AGAP1: variants seen among roughly 807,000 people sequenced by gnomAD.
AGAP1 encodes the protein arf-GAP with GTPase, ANK repeat and PH domain-containing protein 1.
AGAP1 carries 29 observed loss-of-function variants against 105.3 expected under a neutral mutation model. The ratio of observed to expected loss-of-function variants is 0.28; its 90% CI spans 0.21 to 0.38. The LOEUF (loss-of-function observed/expected upper bound fraction) is 0.38. Among genes scored for constraint, AGAP1 ranks in the 10% least tolerant of loss-of-function variants. The pLI, the probability that AGAP1 is intolerant of heterozygous loss-of-function variation, is 1.00. For missense variants in AGAP1, 998 were observed against 1,165.1 expected (o/e 0.86, Z 2.09); for synonymous variants, 509 against 485.9 (o/e 1.05, Z -0.63).
chr2:236,027,962 G>C lies in AGAP1; in HGVS notation c.1646-8599G>C. ...CTGTTGGTCCCGGGGATTGCGATTC[G>C]TGTCTTTATTTCTTCATTATTTGTA... On this transcript the variant is annotated intron_variant, in intron 13 of 17. Transcript: ENST00000304032. The surrounding 1 kb of genome is among the most constrained non-coding windows in gnomAD (Gnocchi z 4.4). Among the ~76,000 whole-genome samples, 1 of 152,100 alleles carries C rather than the reference G, an allele frequency of 6.6e-6. No homozygotes were observed. The highest frequency in any genetic ancestry group is 1.5e-5 in the Non-Finnish European group (1 of 68,040).
rs2059877650 is a variant in AGAP1 at position 236,120,646 on chromosome 2, G to T, written c.2370+199G>T. Among the ~76,000 whole-genome samples, 1 of 152,228 alleles carries T rather than the reference G, an allele frequency of 6.6e-6. No individual in the cohort carries two copies. The highest frequency in any genetic ancestry group is 6.5e-5 in the Admixed American group (1 of 15,280). On this transcript the variant is annotated intron_variant, in intron 17 of 17. Transcript: ENST00000304032. This position sits in a 1 kb window ranked among gnomAD's most constrained non-coding sequence, Gnocchi z 6.0. ...GGTCCTCCTTGTACAGTACTTGCTA[G>T]AGTTTCTGAAAATTGCAACTTTGTG...
chr2:235,957,258 A>T lies in AGAP1; in HGVS notation c.1484-11204A>T, dbSNP rs1436313222. ...GATCAAATTTCCTAAATTCCTACTG[A>T]CTAGGCTTAATTTAGAGAGATCTCT... On this transcript the variant is annotated intron_variant, in intron 12 of 17. Coordinates refer to ENST00000304032, the MANE Select transcript of AGAP1 (RefSeq NM_001037131.3). This position sits in a 1 kb window ranked among gnomAD's most constrained non-coding sequence, Gnocchi z 4.6. 6.6e-6 allele frequency among the ~76,000 whole-genome samples: 1 copy of T among 152,172 alleles called. No individual in the cohort carries two copies. The highest frequency in any genetic ancestry group is 1.5e-5 in the Non-Finnish European group (1 of 68,022).
chr2:235,682,780 G>A (rs1463603204), intron 1 of AGAP1, among the ~76,000 whole-genome samples: 3 of 139,656 alleles, frequency 2.1e-5, no homozygotes, highest in Non-Finnish European at 4.6e-5. Flanking sequence ...TGAACTCGAT[G>A]TGTGGGTGTG....
At chr2:235,503,485 A>C (rs1941655641) in intron 1 of AGAP1, among the ~76,000 whole-genome samples, 1 of 152,196 alleles carries the variant, frequency 6.6e-6, no homozygotes, top group Non-Finnish European at 1.5e-5. Context: ...TTTTAGCTTC[A>C]ACAATCAAGC....
At chr2:236,102,457 T>G (rs1035960991) in intron 16 of AGAP1, among the ~76,000 whole-genome samples, 3 of 142,614 alleles carry the variant, frequency 2.1e-5, no homozygotes, top group South Asian at 2.2e-4. Flanking sequence ...GTGTGGTGGC[T>G]CATGCCTGTA....
chr2:235,561,851 A>G (rs1257305344), intron 1 of AGAP1, among the ~76,000 whole-genome samples: 1 of 152,190 alleles, frequency 6.6e-6, no homozygotes, highest in East Asian at 1.9e-4. Flanking sequence ...CTTCCAGTCA[A>G]GTTGAAACAT....
intron 1 of AGAP1, among the ~76,000 whole-genome samples, chr2:235,606,711 G>A (rs1376654912): frequency 6.6e-6 from 1 of 152,124 alleles, no homozygotes; most frequent in Non-Finnish European, 1.5e-5. Flanking sequence ...ACTTTGGGAG[G>A]CTGAGACGGG....
chr2:235,518,321 T>G (rs1057260625), intron 1 of AGAP1, among the ~76,000 whole-genome samples: 7 of 152,164 alleles, frequency 4.6e-5, no homozygotes, highest in African/African-American at 1.4e-4. Context: ...CTTCTCTTTC[T>G]CCTCCACTGA....
intron 9 of AGAP1, among the ~76,000 whole-genome samples, chr2:235,838,873 T>C (rs1960477210): frequency 6.6e-6 from 1 of 152,126 alleles, no homozygotes; most frequent in Non-Finnish European, 1.5e-5. Flanking sequence ...GAAGCATAAA[T>C]TAGAAGTGAA....
chr2:235,674,095 T>G (rs11883552), intron 1 of AGAP1, among the ~76,000 whole-genome samples: 4,866 of 152,304 alleles, frequency 0.032, 252 homozygotes, highest in African/African-American at 0.11. Context: ...TTTTGTAGGA[T>G]GATTCTCTTG....
rs1315001789 is a variant in AGAP1 at position 235,927,824 on chromosome 2, C to CA, written c.1325-2940dup. On this transcript the variant is annotated intron_variant, in intron 11 of 17. Transcript: ENST00000304032. The surrounding 1 kb of genome is among the most constrained non-coding windows in gnomAD (Gnocchi z 4.4). The stretch of plus-strand genomic sequence containing the variant: ...GGTGCTCTATTGAGTGCCATGTTGT[C>CA]ATCGTTGTCCCAAAGATGGAGGGAC... 6.6e-6 allele frequency among the ~76,000 whole-genome samples: 1 copy of CA among 152,200 alleles called. No homozygotes were observed. The highest frequency in any genetic ancestry group is 1.5e-5 in the Non-Finnish European group (1 of 68,044).
rs2049658356 is a variant in AGAP1, at chr2:235,875,212, C to G, written c.1051-8133C>G. On this transcript the variant is annotated intron_variant, in intron 9 of 17. Coordinates refer to ENST00000304032, the MANE Select transcript of AGAP1 (RefSeq NM_001037131.3). This position sits in a 1 kb window ranked among gnomAD's most constrained non-coding sequence, Gnocchi z 4.0. ...TGGCCCTGTCCTGTTTCTGTATCTGCCAACCAGAGAGCAACTCCCGTTGTT... is the reference window on the plus strand; with the variant it reads ...TGGCCCTGTCCTGTTTCTGTATCTGGCAACCAGAGAGCAACTCCCGTTGTT... Among the ~76,000 whole-genome samples, 1 of 152,180 alleles carries G rather than the reference C, an allele frequency of 6.6e-6. No homozygotes were observed. The highest frequency in any genetic ancestry group is 2.4e-5 in the African/African-American group (1 of 41,450).
rs1576262927 is a variant in AGAP1 at position 236,083,324 on chromosome 2, G to A, written c.2114+34043G>A. Among the ~76,000 whole-genome samples, 1 of 152,144 alleles carries A rather than the reference G, an allele frequency of 6.6e-6. No homozygotes were observed. The highest frequency in any genetic ancestry group is 2.4e-5 in the African/African-American group (1 of 41,418). Reference sequence around the variant, plus strand: ...TGAGCTCGGTTTGTTGCAAGGAAGCGTCGTCCTCCTCACGGGCTCTTTACG... The same window carrying A: ...TGAGCTCGGTTTGTTGCAAGGAAGCATCGTCCTCCTCACGGGCTCTTTACG... On this transcript the variant is annotated intron_variant, in intron 16 of 17. Transcript: ENST00000304032. The surrounding 1 kb of genome is among the most constrained non-coding windows in gnomAD (Gnocchi z 5.3).
chr2:236,069,099 C>A (rs1443143936), intron 16 of AGAP1, among the ~76,000 whole-genome samples: 11 of 151,020 alleles, frequency 7.3e-5, no homozygotes, highest in Admixed American at 6.6e-4. Context: ...TGCGCTCCAG[C>A]CTGGGCAACA....
rs1274630896 is a variant in AGAP1, at chr2:235,855,534, A to G, written c.1051-27811A>G. On this transcript the variant is annotated intron_variant, in intron 9 of 17. Coordinates refer to ENST00000304032, the MANE Select transcript of AGAP1 (RefSeq NM_001037131.3). This position sits in a 1 kb window ranked among gnomAD's most constrained non-coding sequence, Gnocchi z 5.0. Reference sequence around the variant, plus strand: ...AAGTCATAAAAGTTGAGTTATAGTAAATTTAAAATCGAGCAATTTCTGCTT... The same window carrying G: ...AAGTCATAAAAGTTGAGTTATAGTAGATTTAAAATCGAGCAATTTCTGCTT... Among the ~76,000 whole-genome samples, 1 of 152,228 alleles carries G rather than the reference A, an allele frequency of 6.6e-6. No individual in the cohort carries two copies. Among genetic ancestry groups the G allele is most frequent in the East Asian group, 1.9e-4 (1 of 5,202 alleles).
At chr2:236,074,217 A>C (rs1282569462) in intron 16 of AGAP1, among the ~76,000 whole-genome samples, 7 of 152,114 alleles carry the variant, frequency 4.6e-5, no homozygotes, top group Non-Finnish European at 1.0e-4. Context: ...AGTCAGCATA[A>C]GTGACTTCTC....
chr2:235,677,744 G>A (rs1248859394), intron 1 of AGAP1, among the ~76,000 whole-genome samples: 1 of 151,776 alleles, frequency 6.6e-6, no homozygotes, highest in Non-Finnish European at 1.5e-5. Context: ...TCAGGCACTT[G>A]AGATTGACTC....
rs190276510 is a variant in AGAP1 at position 235,770,586 on chromosome 2, G to A, written c.673+20098G>A. The stretch of plus-strand genomic sequence containing the variant: ...TGCATTGCCCATGATGGATATTCAC[G>A]CAATCATAAAATCTCCTAAAGTAGA... On this transcript the variant is annotated intron_variant, in intron 6 of 17. Coordinates refer to ENST00000304032, the MANE Select transcript of AGAP1 (RefSeq NM_001037131.3). Among the ~76,000 whole-genome samples, 399 of 152,234 alleles carry A rather than the reference G, an allele frequency of 2.6e-3. 3 individuals carry two copies. The highest frequency in any genetic ancestry group is 0.022 in the Admixed American group (339 of 15,284).
intron 1 of AGAP1, chr2:235,670,748 C>T (rs760761259): frequency 5.1e-6 from 5 of 974,852 alleles, no homozygotes; most frequent in South Asian, 2.8e-5. Context: ...GGGCGAGGTG[C>T]TCAGCAAGAA....
Sources: gnomAD v4.1 joint callset for allele counts (sites outside exome capture counted in the v4.1 genomes callset) on GRCh38, gnomAD v4.1.1 for gene constraint, Gnocchi (gnomAD v3.1) non-coding constraint, MANE v1.5 for transcripts, NCBI Gene and HGNC (gene_info 2026-07-23, HGNC 2026-07-21) for gene names.